Variants in SLC26A1 observed in about 807,000 individuals in gnomAD.
SLC26A1 encodes the protein sulfate anion transporter 1.
In SLC26A1, 18 loss-of-function variants were observed where a neutral mutation model predicts 14.5. That is an observed-to-expected ratio of 1.24 (90% confidence interval 0.86 to 1.84). SLC26A1 has a LOEUF of 1.84. Ranked by LOEUF, SLC26A1 falls within the 40% of genes most tolerant of loss-of-function variation. The probability of loss-of-function intolerance (pLI) is 0.00; values close to 1 mark genes in which losing one functional copy is unlikely to be tolerated. For missense variants in SLC26A1, 1,049 were observed against 1,020.0 expected, an observed-to-expected ratio of 1.03 and a Z score of -0.39; for synonymous variants, 505 against 492.0, an observed-to-expected ratio of 1.03 and a Z score of -0.35.
rs767480989 is a variant in SLC26A1, at chr4:988,863, CCT to C, written c.2074_2075del (p.Arg692GlyfsTer108). 6.2e-6 allele frequency: 10 copies of C among 1,606,882 alleles called. 1 individual carries two copies. In the East Asian group the frequency reaches 6.7e-5, roughly 11 times the overall value. On this transcript the variant is annotated frameshift_variant, in exon 3 of 3. Transcript: ENST00000398516. LOFTEE classifies it high-confidence loss of function. ...GATGGGCATCGGTGGCCTCCAGCTC[CCT>C]GTGGCGGGCTCGTGCTGTCTGCACG... Reference protein sequence around the residue: ...DAVQTARARHRELEATDAHL With the variant: ...DAVQTARARHXELEATDAHL
rs192314032 is a variant in SLC26A1 at position 990,377 on chromosome 4, C to T, written c.577-15G>A. 1.7e-4 allele frequency: 272 copies of T among 1,576,420 alleles called. 1 individual carries two copies. In the African/African-American group the frequency reaches 3.2e-3, roughly 18 times the overall value. ...CCCATGAGGACCTGTGGACGGAGTGCGGTCAGGCCAGCAGGCGCCTGGCGG... is the reference window on the plus strand; with the variant it reads ...CCCATGAGGACCTGTGGACGGAGTGTGGTCAGGCCAGCAGGCGCCTGGCGG... On this transcript the variant is annotated splice_polypyrimidine_tract_variant and intron_variant, in intron 2 of 2. Coordinates refer to ENST00000398516, the MANE Select transcript of SLC26A1 (RefSeq NM_022042.4).
At chr4:990,616 C>G (rs1302853705) in intron 2 of SLC26A1, 6 of 536,008 alleles carry the variant, frequency 1.1e-5, no homozygotes, top group South Asian at 2.6e-5. Context: ...CACGTCTAAC[C>G]CTTGTCACGT....
exon 3 of SLC26A1, chr4:979,216 T>C: frequency 1.8e-6 from 1 of 564,308 alleles, no homozygotes; most frequent in Non-Finnish European, 3.2e-6. Context: ...GTAAAGCCTG[T>C]TGTGAAATTT....
chr4:991,969 T>A, intron 1 of SLC26A1: 2 of 753,424 alleles, frequency 2.7e-6, no homozygotes, highest in Non-Finnish European at 4.6e-6. Flanking sequence ...ACCAAGCCCA[T>A]GCCATGGGGT....
chr4:988,981 A>G lies in SLC26A1; in HGVS notation c.1958T>C (p.Val653Ala), dbSNP rs199622307. 172 of 1,594,976 alleles carry G rather than the reference A, an allele frequency of 1.1e-4. No homozygotes were observed. Among genetic ancestry groups the G allele is most frequent in the South Asian group, 7.7e-4 (68 of 88,676 alleles). ...GCCTCCTCTGCTCAGAATGTCTCTC[A>G]CAGGCGGGCTGCAGCAGGCTAGCAG... The part of the protein sequence containing the change: ...SLLLACCSPP[V>A]RDILSRGGFL... Residue 653 changes from valine (V) to alanine (A), a missense_variant, in exon 3 of 3, where the codon GTG becomes GCG. Coordinates refer to ENST00000398516, the MANE Select transcript of SLC26A1 (RefSeq NM_022042.4).
Position 988,862 on chromosome 4 carries a change from C to T in SLC26A1, c.2077G>A (p.Glu693Lys), listed in dbSNP as rs768308366. 17 of 1,606,938 alleles carry T rather than the reference C, an allele frequency of 1.1e-5. No individual in the cohort carries two copies. In the South Asian group the frequency reaches 1.6e-4, roughly 15 times the overall value. Residue 693 changes from glutamate to lysine, a missense_variant, in exon 3 of 3, where the codon GAG becomes AAG. Coordinates refer to ENST00000398516, the MANE Select transcript of SLC26A1 (RefSeq NM_022042.4). ...AGATGGGCATCGGTGGCCTCCAGCTCCCTGTGGCGGGCTCGTGCTGTCTGC... is the reference window on the plus strand; with the variant it reads ...AGATGGGCATCGGTGGCCTCCAGCTTCCTGTGGCGGGCTCGTGCTGTCTGC... The part of the protein sequence containing the change: ...AVQTARARHR[E>K]LEATDAHL
chr4:986,943 A>AAACCC, downstream of SLC26A1: 1 of 431,274 alleles, frequency 2.3e-6, no homozygotes. Context: ...GAGGCCACCC[A>AAACCC]ACCCCTCCCA....
chr4:987,709 G>T lies in SLC26A1; in HGVS notation c.*1124C>A. The stretch of plus-strand genomic sequence containing the variant: ...GTCACTGAACGCACGGGCAGCGCCT[G>T]GATCCTGCGCCCGGGCAGTCCTGGG... On this transcript the variant is annotated 3_prime_UTR_variant, in exon 3 of 3. Coordinates refer to ENST00000398516, the MANE Select transcript of SLC26A1 (RefSeq NM_022042.4). The T allele has an allele frequency of 6.4e-7, 1 of 1,568,776 alleles. No individual in the cohort carries two copies. The highest frequency in any genetic ancestry group is 1.2e-5 in the South Asian group (1 of 86,740).
intron 2 of SLC26A1, among the ~76,000 whole-genome samples, chr4:981,265 C>T (rs921096342): frequency 2.6e-5 from 4 of 152,238 alleles, no homozygotes; most frequent in Admixed American, 6.5e-5. Context: ...AGTATCTTTT[C>T]GTTCTTTTTG....
rs573329794 is a variant in SLC26A1 at position 991,738 on chromosome 4, C to G, written c.-27-8G>C. On this transcript the variant is annotated splice_region_variant and splice_polypyrimidine_tract_variant and intron_variant, in intron 1 of 2. Transcript: ENST00000398516. Reference sequence around the variant, plus strand: ...TCAGGTCCCGTGGCCGACCTGCGGCCGAGAAGAGGGCATGGTCACAGGAGC... The same window carrying G: ...TCAGGTCCCGTGGCCGACCTGCGGCGGAGAAGAGGGCATGGTCACAGGAGC... The G allele has an allele frequency of 3.3e-6, 5 of 1,527,144 alleles. No homozygotes were observed. Among genetic ancestry groups the G allele is most frequent in the Non-Finnish European group, 4.4e-6 (5 of 1,143,298 alleles). The allele number at this position is 1,527,144 out of a possible 1,614,324, so 94.6% of individuals were successfully genotyped here. A position where few individuals can be genotyped will look rare whatever the true frequency, so the allele number is the denominator to read the frequency against.
Position 987,941 on chromosome 4 carries a change from C to A in SLC26A1, c.*892G>T. ...GGACCCACTGGCTGCTGGAGCTTGTCACCACCAGGTGGGCGGCGGGCAGGG... is the reference window on the plus strand; with the variant it reads ...GGACCCACTGGCTGCTGGAGCTTGTAACCACCAGGTGGGCGGCGGGCAGGG... On this transcript the variant is annotated 3_prime_UTR_variant, in exon 3 of 3. Coordinates refer to ENST00000398516, the MANE Select transcript of SLC26A1 (RefSeq NM_022042.4). 6.3e-7 allele frequency: 1 copy of A among 1,584,266 alleles called. No homozygotes were observed. Among genetic ancestry groups the A allele is most frequent in the East Asian group, 2.3e-5 (1 of 43,146 alleles).
downstream of SLC26A1, among the ~76,000 whole-genome samples, chr4:984,284 A>G (rs188729940): frequency 2.0e-5 from 3 of 152,362 alleles, no homozygotes; most frequent in East Asian, 5.8e-4. Context: ...ATTTTGAAAA[A>G]TTTCAAACTC....
At chr4:979,345 G>A (rs560994508) in exon 3 of SLC26A1, 23 of 976,946 alleles carry the variant, frequency 2.4e-5, no homozygotes, top group African/African-American at 9.7e-5. Flanking sequence ...CCGGCTTCTC[G>A]TGAGGCTGGT....
chr4:981,269 CT>C (rs1240836643), intron 2 of SLC26A1, among the ~76,000 whole-genome samples: 1 of 152,230 alleles, frequency 6.6e-6, no homozygotes, highest in Non-Finnish European at 1.5e-5. Flanking sequence ...TCTTTTCGTT[CT>C]TTTTGGGTTC....
chr4:979,252 C>T (rs1713464169), exon 3 of SLC26A1: 2 of 602,122 alleles, frequency 3.3e-6, no homozygotes, highest in South Asian at 2.0e-5. Flanking sequence ...AGGCTTCTCT[C>T]CTCTGCAGGC....
exon 3 of SLC26A1, chr4:979,487 G>C (rs1713474231): frequency 1.2e-6 from 2 of 1,613,882 alleles, no homozygotes; most frequent in Non-Finnish European, 1.7e-6. Context: ...GCTGGAAGCT[G>C]TTTCTACCCC....
Position 988,222 on chromosome 4 carries a change from C to G in SLC26A1, c.*611G>C, listed in dbSNP as rs2153015842. The G allele has an allele frequency of 9.1e-6, 12 of 1,316,286 alleles. No homozygotes were observed. Among genetic ancestry groups the G allele is most frequent in the South Asian group, 3.7e-5 (2 of 54,450 alleles). The allele number at this position is 1,316,286 out of a possible 1,614,324, so 81.5% of individuals were successfully genotyped here. A position where few individuals can be genotyped will look rare whatever the true frequency, so the allele number is the denominator to read the frequency against. On this transcript the variant is annotated 3_prime_UTR_variant, in exon 3 of 3. Transcript: ENST00000398516. Reference sequence around the variant, plus strand: ...GCTCCTGGTGCACCCGTGAGCATCCCTGTGTGTGTCTGCTGGCCAGGCTGG... The same window carrying G: ...GCTCCTGGTGCACCCGTGAGCATCCGTGTGTGTGTCTGCTGGCCAGGCTGG...
intron 2 of SLC26A1, chr4:990,863 A>G (rs1714235254): frequency 2.0e-6 from 1 of 488,842 alleles, no homozygotes; most frequent in African/African-American, 2.0e-5. Context: ...AGCCACAGCC[A>G]CACCTGGCCT....
intron 1 of SLC26A1, chr4:991,937 T>A: frequency 1.1e-6 from 1 of 911,426 alleles, no homozygotes; most frequent in Non-Finnish European, 1.7e-6. Context: ...GAATCCATCG[T>A]GAGGTGAGAT....
Sources: gnomAD v4.1 joint callset for allele counts (sites outside exome capture counted in the v4.1 genomes callset) on GRCh38, gnomAD v4.1.1 for gene constraint, MANE v1.5 for transcripts, NCBI Gene and HGNC (gene_info 2026-07-23, HGNC 2026-07-21) for gene names.